KDM5A: variants seen among roughly 807,000 people sequenced by gnomAD.
KDM5A encodes lysine demethylase 5A, also known as lysine-specific demethylase 5A.
In KDM5A, 42 loss-of-function variants were observed where a neutral mutation model predicts 193.5. That is an observed-to-expected ratio of 0.22 (90% CI 0.17 to 0.28). The LOEUF (loss-of-function observed/expected upper bound fraction) is 0.28. Among genes scored for constraint, KDM5A ranks in the 10% least tolerant of loss-of-function variants. The pLI, the probability that KDM5A is intolerant of heterozygous loss-of-function variation, is 1.00. For synonymous variants in KDM5A, 796 were observed against 718.1 expected, an observed-to-expected ratio of 1.11 and a Z score of -1.73; for missense variants, 1,692 against 2,055.1, an observed-to-expected ratio of 0.82 and a Z score of 3.42.
chr12:292,493 C>G (rs890140312), intron 27 of KDM5A, among the ~76,000 whole-genome samples: 30 of 152,318 alleles, frequency 2.0e-4, no homozygotes, highest in African/African-American at 6.7e-4. Flanking sequence ...ATGAAATGCA[C>G]TGTTTGCCAG....
intron 2 of KDM5A, among the ~76,000 whole-genome samples, chr12:385,589 G>A (rs1372416079): frequency 6.6e-6 from 1 of 152,002 alleles, no homozygotes; most frequent in Non-Finnish European, 1.5e-5. Context: ...AAGAACCGAG[G>A]GAGAAAGAAA....
intron 26 of KDM5A, among the ~76,000 whole-genome samples, chr12:293,902 T>C (rs1943336811): frequency 6.6e-6 from 1 of 151,976 alleles, no homozygotes; most frequent in South Asian, 2.1e-4. Context: ...AATGAAATAT[T>C]TAACTTATAC....
intron 11 of KDM5A, 40 bp from the exon 12 acceptor site, chr12:333,689 T>C: frequency 6.3e-7 from 1 of 1,577,460 alleles, no homozygotes; most frequent in Non-Finnish European, 8.7e-7. Flanking sequence ...CAGAACATGG[T>C]ACCAATGAGG....
chr12:333,369 T>G (rs566675610), intron 12 of KDM5A, 118 bp downstream of exon 12: 1 of 1,092,694 alleles, frequency 9.2e-7, no homozygotes, highest in African/African-American at 1.6e-5. Context: ...CAATGAGCAA[T>G]CATCGTGCCG....
chr12:293,799 G>C (rs1439307667), intron 26 of KDM5A, among the ~76,000 whole-genome samples: 1 of 128,870 alleles, frequency 7.8e-6, no homozygotes, highest in African/African-American at 2.8e-5. Flanking sequence ...GGGGGGGGGG[G>C]GGATTTATGT....
rs781263318 is a variant in KDM5A, at chr12:323,093, T to C, written c.2264A>G (p.Asn755Ser). 17 of 1,612,736 alleles carry C rather than the reference T, an allele frequency of 1.1e-5. No homozygotes were observed. Among genetic ancestry groups the C allele is most frequent in the South Asian group, 4.4e-5 (4 of 91,060 alleles). ...GAAGGAAATTTAACCTTTTTTGTGG[T>C]TGAAGTTAGCAGACAATGCTTCTGT... The part of the protein sequence containing the change: ...RVTEALSANF[N>S]HKKDLIELRV... Residue 755 changes from asparagine (N) to serine (S), a missense_variant, in exon 16 of 28, where the codon AAC becomes AGC. By Grantham distance (46) the Asn-to-Ser change is conservative (BLOSUM62 1). Coordinates refer to ENST00000399788, the MANE Select transcript of KDM5A (RefSeq NM_001042603.3).
In KDM5A at chr12:280,796, A is replaced by G. The variant is rs1418130176; in HGVS notation, c.*4660T>C. On this transcript the variant is annotated 3_prime_UTR_variant, in exon 28 of 28. Transcript: ENST00000399788. ...GGTCATCACTGGATTCTTGCTGGAA[A>G]CAGAAGGCAGGTGAAATCTTCAGGA... 4.3e-6 allele frequency: 1 copy of G among 232,926 alleles called. No homozygotes were observed. Among genetic ancestry groups the G allele is most frequent in the East Asian group, 6.0e-5 (1 of 16,564 alleles). The allele number at this position is 232,926 out of a possible 1,614,324, so 14.4% of individuals were successfully genotyped here.
chr12:311,210 C>T (rs1943581903), intron 20 of KDM5A, 146 bp from the exon 21 acceptor site: 5 of 712,988 alleles, frequency 7.0e-6, no homozygotes, highest in Non-Finnish European at 1.2e-5. Flanking sequence ...ATTAATATAA[C>T]TTCCAATGTC....
chr12:337,585 G>T (rs188455671), intron 10 of KDM5A, among the ~76,000 whole-genome samples: 5 of 151,752 alleles, frequency 3.3e-5, no homozygotes, highest in African/African-American at 1.2e-4. Context: ...ATATTCAAAA[G>T]GGAAACATAA....
At chr12:342,502 C>A (rs1259939359) in intron 10 of KDM5A, among the ~76,000 whole-genome samples, 4 of 152,068 alleles carry the variant, frequency 2.6e-5, no homozygotes, top group African/African-American at 9.7e-5. Flanking sequence ...CTCTGTCGCC[C>A]AGGCTGGAGT....
At chr12:292,343 T>C (rs780122030) in intron 27 of KDM5A, among the ~76,000 whole-genome samples, 2 of 152,228 alleles carry the variant, frequency 1.3e-5, no homozygotes, top group Non-Finnish European at 2.9e-5. Flanking sequence ...ACCATCTTAA[T>C]GCAATTTGCC....
Position 354,254 on chromosome 12 carries a change from T to C in KDM5A, c.871-20A>G. On this transcript the variant is annotated intron_variant, in intron 7 of 27. Transcript: ENST00000399788. The stretch of plus-strand genomic sequence containing the variant: ...ATCAACCTGTTAAAAAAAAAATAAA[T>C]GAAAGTCTATTTTCTATAATAAATA... The C allele has an allele frequency of 1.3e-6, 2 of 1,536,412 alleles. No individual in the cohort carries two copies. Among genetic ancestry groups the C allele is most frequent in the Non-Finnish European group, 1.8e-6 (2 of 1,116,988 alleles).
At chr12:358,477 G>A (rs959811099) in intron 5 of KDM5A, among the ~76,000 whole-genome samples, 13 of 152,076 alleles carry the variant, frequency 8.5e-5, no homozygotes, top group African/African-American at 3.1e-4. Flanking sequence ...TTAAAGCAGA[G>A]TATATAACAA....
At chr12:387,245 T>C (rs1301472031) in intron 1 of KDM5A, 3 of 366,954 alleles carry the variant, frequency 8.2e-6, no homozygotes, top group Non-Finnish European at 1.6e-5. Context: ...AAAAAAGTCT[T>C]ACCTTGGAAA....
At chr12:350,820 A>AT (rs1944148086) in intron 9 of KDM5A, 41 bp from the exon 10 acceptor site, 5 of 1,544,418 alleles carry the variant, frequency 3.2e-6, no homozygotes, top group Middle Eastern at 3.4e-4. Flanking sequence ...TTAAACCACT[A>AT]TAACTATAAC....
intron 3 of KDM5A, among the ~76,000 whole-genome samples, chr12:373,792 T>C (rs1207973698): frequency 1.3e-5 from 2 of 152,372 alleles, no homozygotes; most frequent in East Asian, 1.9e-4. Context: ...TTTGTTCTCA[T>C]TGGTTTCAAA....
intron 6 of KDM5A, 114 bp from the exon 7 acceptor site, chr12:355,363 G>A (rs535222451): frequency 2.8e-6 from 2 of 715,352 alleles, no homozygotes; most frequent in South Asian, 1.5e-5. Flanking sequence ...TGTTTATCTA[G>A]AGGTAGATAT....
chr12:380,997 ATT>A (rs71045053), intron 3 of KDM5A, among the ~76,000 whole-genome samples: 53 of 147,994 alleles, frequency 3.6e-4, no homozygotes, highest in South Asian at 1.5e-3. Flanking sequence ...GTTTTATTTT[ATT>A]TTTTTTTTTT....
At chr12:381,286 G>T (rs1944569899) in intron 3 of KDM5A, among the ~76,000 whole-genome samples, 1 of 152,004 alleles carries the variant, frequency 6.6e-6, no homozygotes, top group Admixed American at 6.5e-5. Context: ...GAGCCACCGT[G>T]CCCGGCTGAG....
Sources: allele counts gnomAD v4.1 joint callset (sites outside exome capture counted in the v4.1 genomes callset), GRCh38; gene constraint gnomAD v4.1.1; transcripts MANE v1.5; gene names NCBI Gene and HGNC (gene_info 2026-07-23, HGNC 2026-07-21).